RPS2: variants seen among roughly 807,000 people sequenced by gnomAD.
RPS2 encodes the protein ribosomal protein S2, also known as small ribosomal subunit protein uS5.
RPS2 carries 8 observed loss-of-function variants against 25.3 expected under a neutral mutation model. The observed-to-expected ratio is 0.32, with a 90% confidence interval of 0.19 to 0.57. The LOEUF (loss-of-function observed/expected upper bound fraction) is 0.57, where lower values mean the gene tolerates loss of function less well. Ranked by LOEUF, RPS2 falls within the 20% of genes least tolerant of loss-of-function variation. The pLI is 0.90. For missense variants in RPS2, 229 were observed against 408.1 expected (o/e 0.56, Z 3.78); for synonymous variants, 181 against 161.3 (o/e 1.12, Z -0.92).
At chr16:1,963,101 G>A (rs765852789) in intron 4 of RPS2, 48 bp downstream of exon 4, 9 of 1,474,524 alleles carry the variant, frequency 6.1e-6, no homozygotes, top group Non-Finnish European at 8.5e-6. Flanking sequence ...GCAGAGCCGA[G>A]AGAGTCCCGG....
chr16:1,964,006 G>A (rs2083283422), intron 3 of RPS2: 2 of 491,422 alleles, frequency 4.1e-6, no homozygotes, highest in South Asian at 4.2e-5. Flanking sequence ...CATGAACCAA[G>A]CGCTGCTTCT....
At chr16:1,963,850 C>T (rs981179643) in intron 3 of RPS2, 4 of 445,108 alleles carry the variant, frequency 9.0e-6, no homozygotes, top group East Asian at 6.9e-5. Flanking sequence ...CTAGGGCGAA[C>T]GCTCACATGA....
rs1416363788 is a variant in RPS2 at position 1,964,212 on chromosome 16, T to C, written c.267+64A>G. On this transcript the variant is annotated intron_variant, in intron 3 of 6. Coordinates refer to ENST00000343262, the MANE Select transcript of RPS2 (RefSeq NM_002952.4). ...GCGAGTCAATGGCAGATGCTAATCCTCCAACCCCAGCCCAAATGACTCCGG... is the reference window on the plus strand; with the variant it reads ...GCGAGTCAATGGCAGATGCTAATCCCCCAACCCCAGCCCAAATGACTCCGG... 3 of 1,257,868 alleles carry C rather than the reference T, an allele frequency of 2.4e-6. No individual in the cohort carries two copies. The East Asian group carries it at 7.0e-5, about 29-fold the overall frequency. The allele number at this position is 1,257,868 out of a possible 1,614,324, so 77.9% of individuals were successfully genotyped here.
Position 1,962,801 on chromosome 16 carries a change from T to C in RPS2, c.484A>G (p.Ile162Val), listed in dbSNP as rs1466214610. 4 of 1,611,456 alleles carry C rather than the reference T, an allele frequency of 2.5e-6. 1 individual carries two copies. The highest frequency in any genetic ancestry group is 1.7e-4 in the Middle Eastern group (1 of 6,006). The change falls in exon 5 of 7, where the codon ATC becomes GTC. Residue 162 changes from isoleucine (I) to valine (V), a missense_variant. By Grantham distance (29) the Ile-to-Val change is conservative. This residue lies in a region of RPS2 where 79 missense variants were observed against 159.0 expected (regional missense o/e 0.50). Transcript: ENST00000343262. The part of the protein sequence containing the change: ...RGAIILAKLS[I>V]VPVRRGYWGN... ...CAGTAGCCTCTGCGCACGGGGACGA[T>C]GGAGAGCTTGGCCAGGATGATGGCC... is the stretch of plus-strand genomic sequence containing the variant.
chr16:1,964,718 G>GC, intron 1 of RPS2, 89 bp downstream of exon 1: 1 of 742,456 alleles, frequency 1.3e-6, no homozygotes, highest in Non-Finnish European at 2.1e-6. Flanking sequence ...CCGCCCAGGA[G>GC]CGCGGACTCG....
intron 4 of RPS2, 105 bp downstream of exon 4, chr16:1,963,044 T>G: frequency 7.4e-7 from 1 of 1,356,416 alleles, no homozygotes; most frequent in South Asian, 1.2e-5. Flanking sequence ...ATCTTTTCTC[T>G]CTCTCCCCGT....
intron 3 of RPS2, chr16:1,963,957 G>A: frequency 2.4e-6 from 1 of 411,558 alleles, no homozygotes; most frequent in East Asian, 5.5e-5. Context: ...CCCTTACAGT[G>A]TCCTCCCACA....
At chr16:1,963,744 T>A (rs777581196) in intron 3 of RPS2, 1 of 450,042 alleles carries the variant, frequency 2.2e-6, no homozygotes, top group Non-Finnish European at 4.4e-6. Context: ...TTTCTTCCTA[T>A]TTGCCCTTTT....
At chr16:1,964,147 ACAACCT>A (rs200542762) in intron 3 of RPS2, 123 bp downstream of exon 3, 21,129 of 724,106 alleles carry the variant, frequency 0.029, 447 homozygotes, top group African/African-American at 0.081. Context: ...AGCCCGCAAC[ACAACCT>A]CAACCTCTCA....
rs935843284 is a variant in RPS2 at position 1,963,530 on chromosome 16, C to T, written c.268-274G>A. ...ATTCAGGAGGCTGAGGCAGGAGAAT[C>T]GCTTGAACCTGGGAGGTGGAGGTTG... On this transcript the variant is annotated intron_variant, in intron 3 of 6. Coordinates refer to ENST00000343262, the MANE Select transcript of RPS2 (RefSeq NM_002952.4). 2.4e-5 allele frequency: 9 copies of T among 371,514 alleles called. 2 individuals carry two copies. Among genetic ancestry groups the T allele is most frequent in the South Asian group, 1.6e-4 (7 of 44,846 alleles). 23.0% of individuals were successfully genotyped at this position (371,514 alleles called of 1,614,324 possible). A position where few individuals can be genotyped will look rare whatever the true frequency, so the allele number is the denominator to read the frequency against.
At chr16:1,963,015 C>G in intron 4 of RPS2, 106 bp from the exon 5 acceptor site, 1 of 1,405,512 alleles carries the variant, frequency 7.1e-7, no homozygotes, top group Non-Finnish European at 1.0e-6. Context: ...CAGTAAGGCC[C>G]ATCCGAGGTC....
rs772782534 is a variant in RPS2, at chr16:1,962,745, G to A, written c.540C>T (p.Val180=). The A allele has an allele frequency of 3.5e-5, 56 of 1,602,748 alleles. No homozygotes were observed. The highest frequency in any genetic ancestry group is 3.4e-5 in the Admixed American group (2 of 58,630). The change falls in exon 5 of 7, where the codon GTC becomes GTT. Residue 180 remains valine, a synonymous_variant. Transcript: ENST00000343262. ...CCTGCCACCAGCCTACCTTGCAAGG[G>A]ACAGTGTGGGGCTTGCCGATCTTGT... ...WGNKIGKPHT[V]PCKVTGRCGS... is the part of the protein sequence containing the mutation.
At chr16:1,962,405 G>A in intron 6 of RPS2, 92 bp downstream of exon 6, 1 of 1,407,824 alleles carries the variant, frequency 7.1e-7, no homozygotes, top group Admixed American at 1.7e-5. Context: ...GCCTTTCTCT[G>A]CCTCCCTGAA....
intron 3 of RPS2, chr16:1,963,647 C>T (rs988614480): frequency 2.9e-6 from 1 of 347,804 alleles, no homozygotes. Context: ...TCATGAACCC[C>T]CTCACCTGGC....
chr16:1,963,886 C>A (rs570364527), intron 3 of RPS2: 2 of 420,450 alleles, frequency 4.8e-6, no homozygotes, highest in South Asian at 3.4e-5. Context: ...CCTTTCCCCA[C>A]TGCACCCGCT....
In RPS2 at chr16:1,964,169, G is replaced by A. The variant is rs184649211; in HGVS notation, c.267+107C>T. On this transcript the variant is annotated intron_variant, in intron 3 of 6. Transcript: ENST00000343262. ...AACACAACCTCAACCTCTCACGCGAGACGCTGGGCCCTTTAATGCGAGTCA... is the reference window on the plus strand; with the variant it reads ...AACACAACCTCAACCTCTCACGCGAAACGCTGGGCCCTTTAATGCGAGTCA... The A allele has an allele frequency of 2.8e-5, 23 of 834,524 alleles. No individual in the cohort carries two copies. The East Asian group carries it at 5.3e-4, about 19-fold the overall frequency. The allele number at this position is 834,524 out of a possible 1,614,324, so 51.7% of individuals were successfully genotyped here.
At chr16:1,963,286 G>A (rs746819736) in intron 3 of RPS2, 30 bp from the exon 4 acceptor site, 17 of 1,392,990 alleles carry the variant, frequency 1.2e-5, no homozygotes, top group South Asian at 2.6e-5. Flanking sequence ...TGTAGGGAGA[G>A]CATTAAAAAA....
At chr16:1,963,314 G>C in intron 3 of RPS2, 58 bp from the exon 4 acceptor site, 2 of 1,119,120 alleles carry the variant, frequency 1.8e-6, no homozygotes, top group South Asian at 1.5e-5. Flanking sequence ...ATACCATTAT[G>C]ATATTCAAGA....
chr16:1,964,554 G>A lies in RPS2; in HGVS notation c.72C>T (p.Gly24=). 7 of 1,590,364 alleles carry A rather than the reference G, an allele frequency of 4.4e-6. No individual in the cohort carries two copies. Among genetic ancestry groups the A allele is most frequent in the East Asian group, 2.3e-5 (1 of 43,574 alleles). The stretch of plus-strand genomic sequence containing the variant: ...TGCCACTGCCGAAACCTCCGCGGAA[G>A]CCACCGCGGTTCCCCATCCCAGGGC... The part of the protein sequence containing the change: ...PGGPGMGNRG[G]FRGGFGSGIR... The change falls in exon 2 of 7, where the codon GGC becomes GGT. Residue 24 remains glycine (G), a synonymous_variant. Transcript: ENST00000343262.
Sources: allele counts gnomAD v4.1 joint callset, GRCh38; gene constraint gnomAD v4.1.1; regional missense constraint gnomAD v4.1.1; transcripts MANE v1.5; gene names NCBI Gene and HGNC (gene_info 2026-07-23, HGNC 2026-07-21).